LARGE1: variants seen among roughly 807,000 people sequenced by gnomAD.
LARGE1 encodes the protein LARGE xylosyl- and glucuronyltransferase 1, also known as xylosyl- and glucuronyltransferase LARGE1.
In LARGE1, 43 loss-of-function variants were observed where a neutral mutation model predicts 87.6. The observed-to-expected ratio is 0.49, with a 90% CI of 0.38 to 0.63. LARGE1 has a LOEUF of 0.63. LARGE1 is among the 30% of genes least tolerant of loss of function. The pLI is 0.00. For missense variants in LARGE1, 802 were observed against 1,000.2 expected (o/e 0.80, Z 2.67); for synonymous variants, 434 against 394.6 (o/e 1.10, Z -1.18).
intron 6 of LARGE1, among the ~76,000 whole-genome samples, chr22:33,525,246 T>C (rs1329254091): frequency 6.6e-6 from 1 of 152,124 alleles, no homozygotes; most frequent in African/African-American, 2.4e-5. Flanking sequence ...TCCTTCAAGA[T>C]TGAGGCTCAA....
intron 6 of LARGE1, among the ~76,000 whole-genome samples, chr22:33,470,900 G>A (rs1305699153): frequency 6.6e-6 from 1 of 152,194 alleles, no homozygotes; most frequent in African/African-American, 2.4e-5. Flanking sequence ...GTCTCCCTGA[G>A]CCTCAGGTTA....
At chr22:33,339,242 C>T (rs1319964580) in intron 9 of LARGE1, among the ~76,000 whole-genome samples, 1 of 150,700 alleles carries the variant, frequency 6.6e-6, no homozygotes, top group African/African-American at 2.4e-5. Flanking sequence ...TGTGCTGGAG[C>T]TTGAGGGAGA....
chr22:33,838,705 G>A (rs564448385), intron 1 of LARGE1, among the ~76,000 whole-genome samples: 3 of 152,248 alleles, frequency 2.0e-5, no homozygotes, highest in South Asian at 2.1e-4. Context: ...TCACCACTGC[G>A]TTCTGGAACA....
chr22:33,363,014 G>A (rs960417625), intron 9 of LARGE1, among the ~76,000 whole-genome samples: 1 of 150,044 alleles, frequency 6.7e-6, no homozygotes, highest in Non-Finnish European at 1.5e-5. Context: ...AGCAAATCAA[G>A]GTTAAAATAT....
intron 11 of LARGE1, among the ~76,000 whole-genome samples, chr22:33,259,318 CAACA>C (rs1456013000): frequency 5.3e-5 from 5 of 93,800 alleles, no homozygotes; most frequent in Non-Finnish European, 7.4e-5. Context: ...ATCCAAAGGG[CAACA>C]CACACACACA....
chr22:33,174,654 G>C (rs1255917322), intron 11 of LARGE1, among the ~76,000 whole-genome samples: 1 of 152,062 alleles, frequency 6.6e-6, no homozygotes, highest in Non-Finnish European at 1.5e-5. Flanking sequence ...AAATGAGAAA[G>C]GGAATATCAC....
intron 7 of LARGE1, among the ~76,000 whole-genome samples, chr22:33,408,137 C>A (rs148444743): frequency 2.0e-5 from 3 of 151,896 alleles, no homozygotes; most frequent in Non-Finnish European, 4.4e-5. Context: ...TGCAACACCA[C>A]GCCCAGCTAA....
intron 9 of LARGE1, among the ~76,000 whole-genome samples, chr22:33,371,769 G>A (rs2064816314): frequency 6.6e-6 from 1 of 152,158 alleles, no homozygotes; most frequent in Non-Finnish European, 1.5e-5. Context: ...TGGATCATGA[G>A]GTCAGGAGAT....
chr22:33,292,438 G>C (rs1176265105), intron 12 of LARGE1, among the ~76,000 whole-genome samples: 2 of 152,108 alleles, frequency 1.3e-5, no homozygotes, highest in Non-Finnish European at 2.9e-5. Flanking sequence ...CTATACTGGG[G>C]GGTTTGGGGG....
At chr22:33,434,730 C>T (rs2067203213) in intron 6 of LARGE1, among the ~76,000 whole-genome samples, 1 of 152,152 alleles carries the variant, frequency 6.6e-6, no homozygotes, top group Non-Finnish European at 1.5e-5. Flanking sequence ...CTTCTTCAGA[C>T]AAATACTCTA....
intron 1 of LARGE1, among the ~76,000 whole-genome samples, chr22:33,800,238 TATAGACTCTCA>T (rs2086117878): frequency 2.0e-5 from 3 of 152,198 alleles, no homozygotes; most frequent in Admixed American, 2.0e-4. Flanking sequence ...ATTTTGAAAT[TATAGACTCTCA>T]AGAAGTTGCA....
chr22:33,227,267 C>A (rs1429029802), intron 11 of LARGE1, among the ~76,000 whole-genome samples: 1 of 152,166 alleles, frequency 6.6e-6, no homozygotes. Context: ...GGTCATTTGG[C>A]TCTGTAGTTA....
chr22:33,432,096 C>T (rs553755165), intron 7 of LARGE1, 65 bp downstream of exon 7: 104 of 1,299,792 alleles, frequency 8.0e-5, no homozygotes, highest in Non-Finnish European at 1.0e-4. Context: ...TCCTCTCCTG[C>T]GGAAGGAGCA....
chr22:33,175,982 G>C (rs1922846565), intron 11 of LARGE1, among the ~76,000 whole-genome samples: 1 of 152,034 alleles, frequency 6.6e-6, no homozygotes, highest in South Asian at 2.1e-4. Flanking sequence ...CAGAACAGAG[G>C]CTGCAGAAAT....
the LARGE1 span, among the ~76,000 whole-genome samples, chr22:33,077,717 C>T: frequency 1.3e-5 from 2 of 152,198 alleles, no homozygotes; most frequent in Non-Finnish European, 2.9e-5. Context: ...ACCTGATCAT[C>T]TTAACACAGG....
At chr22:33,911,023 G>T (rs971271404) in intron 1 of LARGE1, among the ~76,000 whole-genome samples, 1 of 152,220 alleles carries the variant, frequency 6.6e-6, no homozygotes, top group Admixed American at 6.5e-5. Context: ...CCACATCTGT[G>T]AAGTGGGAGA....
At chr22:33,566,239 C>T (rs996413556) in intron 5 of LARGE1, among the ~76,000 whole-genome samples, 15 of 152,164 alleles carry the variant, frequency 9.9e-5, no homozygotes, top group African/African-American at 3.6e-4. Context: ...TTAATTCAAA[C>T]ATGATACTCT....
chr22:33,438,895 G>A (rs1010555876), intron 6 of LARGE1, among the ~76,000 whole-genome samples: 1 of 152,134 alleles, frequency 6.6e-6, no homozygotes, highest in Non-Finnish European at 1.5e-5. Context: ...TGACCTCTAA[G>A]AATGGATATT....
chr22:33,331,191 G>A (rs953786682), intron 10 of LARGE1, among the ~76,000 whole-genome samples: 1 of 152,072 alleles, frequency 6.6e-6, no homozygotes, highest in African/African-American at 2.4e-5. Context: ...CCATGGCAAT[G>A]GTGTCATGTA....
Sources: allele counts gnomAD v4.1 joint callset (sites outside exome capture counted in the v4.1 genomes callset), GRCh38; gene constraint gnomAD v4.1.1; transcripts MANE v1.5; gene names NCBI Gene and HGNC (gene_info 2026-07-23, HGNC 2026-07-21).